The following ADGRE2 variants were observed in gnomAD, a reference collection of about 807,000 sequenced individuals.
ADGRE2 encodes adhesion G protein-coupled receptor E2.
A neutral mutation model predicts 100.8 loss-of-function variants in ADGRE2; 83 were observed. The observed-to-expected ratio is 0.82, with a 90% CI of 0.69 to 0.99. The LOEUF is 0.99. ADGRE2 is among the 50% of genes least tolerant of loss of function. The pLI, the probability that ADGRE2 is intolerant of heterozygous loss-of-function variation, is 0.00. For missense variants in ADGRE2, 814 were observed against 1,035.7 expected (o/e 0.79, Z 2.94); for synonymous variants, 355 against 413.0 (o/e 0.86, Z 1.70).
chr19:14,776,542 G>A (rs906811278), intron 2 of ADGRE2, 184 bp downstream of exon 2: 2 of 376,002 alleles, frequency 5.3e-6, no homozygotes, highest in African/African-American at 5.9e-5. Flanking sequence ...CTGCCGGGGT[G>A]TGGGGGTGCC....
intron 20 of ADGRE2, among the ~76,000 whole-genome samples, chr19:14,739,058 C>T (rs1042580248): frequency 4.0e-5 from 6 of 151,148 alleles, no homozygotes; most frequent in African/African-American, 1.2e-4. Flanking sequence ...CAACCTCTGC[C>T]TCCTGGGTTC....
In ADGRE2 at chr19:14,746,914, A is replaced by T; in HGVS notation, c.2073T>A (p.Pro691=). ...CACTCACAGAGAAGATGGCGCAGAC[A>T]GGTCCAAGGAAGCCCCATATAAATC... ...EKGFIWGFLG[P]VCAIFSVNLV... Residue 691 remains proline (P), a synonymous_variant, in exon 17 of 21, where the codon CCT becomes CCA. Transcript: ENST00000315576. 6.2e-7 allele frequency: 1 copy of T among 1,613,898 alleles called. No individual in the cohort carries two copies. The highest frequency in any genetic ancestry group is 8.5e-7 in the Non-Finnish European group (1 of 1,179,914).
intron 3 of ADGRE2, 52 bp from the exon 4 acceptor site, chr19:14,774,106 A>G: frequency 6.4e-7 from 1 of 1,552,184 alleles, no homozygotes; most frequent in Non-Finnish European, 8.9e-7. Flanking sequence ...GAATACACAA[A>G]AAGGGGGCAC....
At position 14,736,120 on chromosome 19, in the gene ADGRE2, C is replaced by T. The variant is rs1156787200; in HGVS notation, c.*116G>A. 4 of 969,138 alleles carry T rather than the reference C, an allele frequency of 4.1e-6. No individual in the cohort carries two copies. Among genetic ancestry groups the T allele is most frequent in the Non-Finnish European group, 6.4e-6 (4 of 628,992 alleles). The allele number at this position is 969,138 out of a possible 1,614,324, so 60.0% of individuals were successfully genotyped here. On this transcript the variant is annotated 3_prime_UTR_variant, in exon 21 of 21. Transcript: ENST00000315576. ...TCCATAACATCCTTCATATTGCTGA[C>T]ATGGTGAATTTCTTGAAACACACAG...
intron 16 of ADGRE2, among the ~76,000 whole-genome samples, chr19:14,748,509 A>G (rs909454614): frequency 6.6e-6 from 1 of 152,110 alleles, no homozygotes; most frequent in Non-Finnish European, 1.5e-5. Flanking sequence ...GGGTTTCACC[A>G]TGTTGGCCAG....
chr19:14,736,739 T>C (rs2042758194), intron 20 of ADGRE2, among the ~76,000 whole-genome samples: 1 of 145,724 alleles, frequency 6.9e-6, no homozygotes, highest in Non-Finnish European at 1.5e-5. Flanking sequence ...TTTAGAAATA[T>C]AGATATTTAG....
At chr19:14,764,031 C>A (rs935450163) in intron 11 of ADGRE2, among the ~76,000 whole-genome samples, 1 of 150,242 alleles carries the variant, frequency 6.7e-6, no homozygotes, top group Non-Finnish European at 1.5e-5. Flanking sequence ...CCTCCTCCTC[C>A]TTCTCTTCTT....
chr19:14,729,228 T>G (rs1243362708), downstream of ADGRE2, among the ~76,000 whole-genome samples: 2 of 152,216 alleles, frequency 1.3e-5, no homozygotes, highest in African/African-American at 4.8e-5. Context: ...GTTTCTCAAC[T>G]GTGACCTTAT....
chr19:14,727,307 T>A, the ADGRE2 span, among the ~76,000 whole-genome samples: 2 of 152,112 alleles, frequency 1.3e-5, no homozygotes, highest in Non-Finnish European at 2.9e-5. Flanking sequence ...GGATTACAGG[T>A]GTGAGCCACC....
At chr19:14,725,178 C>G in the ADGRE2 span, among the ~76,000 whole-genome samples, 1 of 152,080 alleles carries the variant, frequency 6.6e-6, no homozygotes, top group Non-Finnish European at 1.5e-5. Flanking sequence ...AGATTGCATG[C>G]TCTTTTAAAC....
At chr19:14,727,962 C>T (rs1022833092), downstream of ADGRE2, among the ~76,000 whole-genome samples, 1 of 152,196 alleles carries the variant, frequency 6.6e-6, no homozygotes, top group African/African-American at 2.4e-5. Context: ...GTGGCTCACG[C>T]CTGTAATCCC....
At chr19:14,753,268 T>C (rs541420789) in intron 14 of ADGRE2, among the ~76,000 whole-genome samples, 1 of 151,976 alleles carries the variant, frequency 6.6e-6, no homozygotes, top group East Asian at 1.9e-4. Flanking sequence ...TGCAGGTTTA[T>C]GTCCAGCAGG....
chr19:14,777,698 G>A (rs2335222), intron 1 of ADGRE2, among the ~76,000 whole-genome samples: 20,906 of 142,188 alleles, frequency 0.15, 1,475 homozygotes, highest in South Asian at 0.23. Context: ...CCTGTGTCCA[G>A]GTGTTCTCAT....
downstream of ADGRE2, among the ~76,000 whole-genome samples, chr19:14,728,221 ATTTTT>A (rs879373284): frequency 6.6e-6 from 1 of 151,702 alleles, no homozygotes; most frequent in African/African-American, 2.4e-5. Flanking sequence ...TCAAAAAAAA[ATTTTT>A]TTTTCAGAAT....
At chr19:14,743,964 C>T (rs2043006066) in intron 18 of ADGRE2, among the ~76,000 whole-genome samples, 180 bp from the exon 19 acceptor site, 2 of 152,078 alleles carry the variant, frequency 1.3e-5, no homozygotes, top group Non-Finnish European at 1.5e-5. Context: ...CTGGGGTTGG[C>T]CACGGTGGCT....
At chr19:14,729,972 T>G (rs2042657344), downstream of ADGRE2, among the ~76,000 whole-genome samples, 1 of 152,196 alleles carries the variant, frequency 6.6e-6, no homozygotes, top group Non-Finnish European at 1.5e-5. Context: ...CTTTGTTGTC[T>G]TGAGAGAAAG....
At chr19:14,746,472 G>A (rs951498896) in intron 17 of ADGRE2, 149 bp from the exon 18 acceptor site, 7 of 592,506 alleles carry the variant, frequency 1.2e-5, no homozygotes, top group Admixed American at 5.9e-5. Context: ...TCCCGGGTTC[G>A]AGCGATTCTC....
In ADGRE2 at chr19:14,755,717, G is replaced by C. The variant is rs750046350; in HGVS notation, c.1353C>G (p.Ala451=). ...TTTGGGTGTCGTTGTTGCTCAGAAA[G>C]GCAGAGATCACATCTGAGAGCAGGA... ...SPILLSDVIS[A]FLSNNDTQNL... The change falls in exon 13 of 21, where the codon GCC becomes GCG. Residue 451 remains alanine (A), a synonymous_variant. Transcript: ENST00000315576. 4 of 1,614,212 alleles carry C rather than the reference G, an allele frequency of 2.5e-6. No individual in the cohort carries two copies. The highest frequency in any genetic ancestry group is 2.5e-6 in the Non-Finnish European group (3 of 1,180,026).
intron 14 of ADGRE2, among the ~76,000 whole-genome samples, chr19:14,753,781 C>A (rs1390573744): frequency 7.8e-6 from 1 of 127,450 alleles, no homozygotes; most frequent in Admixed American, 7.7e-5. Flanking sequence ...GTGACAGAGA[C>A]CCTGTCTAAA....
Sources: gnomAD v4.1 joint callset for allele counts (sites outside exome capture counted in the v4.1 genomes callset) on GRCh38, gnomAD v4.1.1 for gene constraint, MANE v1.5 for transcripts, NCBI Gene and HGNC (gene_info 2026-07-23, HGNC 2026-07-21) for gene names.